Variants in RASEF observed in about 807,000 individuals in gnomAD.
The protein encoded by RASEF is ras and EF-hand domain-containing protein.
Under a neutral mutation model 90.1 loss-of-function variants are expected in RASEF, and 68 were observed. That is an observed-to-expected ratio of 0.75 (90% CI 0.62 to 0.92). The LOEUF is 0.92. Ranked by LOEUF, RASEF falls within the 40% of genes least tolerant of loss-of-function variation. The pLI is 0.00. For missense variants in RASEF, 949 were observed against 937.2 expected, an observed-to-expected ratio of 1.01 and a Z score of -0.16; for synonymous variants, 331 against 345.2, an observed-to-expected ratio of 0.96 and a Z score of 0.46.
chr9:83,124,258 G>T, the RASEF span, among the ~76,000 whole-genome samples: 1 of 151,828 alleles, frequency 6.6e-6, no homozygotes, highest in Non-Finnish European at 1.5e-5. Context: ...CTATGAACAT[G>T]GGTGTATGAA....
the RASEF span, among the ~76,000 whole-genome samples, chr9:83,078,077 G>C: frequency 6.6e-6 from 1 of 152,150 alleles, no homozygotes; most frequent in African/African-American, 2.4e-5. Context: ...ATCACCACCT[G>C]GGAAATTGTT....
At chr9:83,025,118 C>A (rs1170344560) in intron 2 of RASEF, among the ~76,000 whole-genome samples, 2 of 152,136 alleles carry the variant, frequency 1.3e-5, no homozygotes, top group Non-Finnish European at 2.9e-5. Context: ...CATGACATAG[C>A]TGTTAACACC....
chr9:83,068,442 C>T, the RASEF span, among the ~76,000 whole-genome samples: 1 of 152,196 alleles, frequency 6.6e-6, no homozygotes, highest in African/African-American at 2.4e-5. Context: ...GTCATGAGAA[C>T]ACCAGGTGGC....
chr9:82,994,627 T>C (rs538723663), intron 14 of RASEF, among the ~76,000 whole-genome samples: 1 of 152,330 alleles, frequency 6.6e-6, no homozygotes, highest in South Asian at 2.1e-4. Context: ...CCTAGACTAC[T>C]ACACAGGAAC....
upstream of RASEF, among the ~76,000 whole-genome samples, chr9:83,064,023 C>T (rs775860023): frequency 3.9e-5 from 6 of 152,150 alleles, no homozygotes; most frequent in Non-Finnish European, 7.3e-5. Flanking sequence ...TATCCATTTC[C>T]TCCACATTTT....
At chr9:82,983,260 A>G (rs989403326) in intron 16 of RASEF, among the ~76,000 whole-genome samples, 1 of 152,062 alleles carries the variant, frequency 6.6e-6, no homozygotes, top group Non-Finnish European at 1.5e-5. Context: ...GCTTCATGTA[A>G]TGGTTGCTGA....
intron 6 of RASEF, among the ~76,000 whole-genome samples, chr9:83,009,077 GCAAACAAACC>G (rs1263860472): frequency 1.3e-5 from 2 of 150,478 alleles, no homozygotes; most frequent in African/African-American, 4.9e-5. Flanking sequence ...ATTAAAGTTT[GCAAACAAACC>G]CAAAAAAAGA....
At chr9:83,163,981 A>C in the RASEF span, among the ~76,000 whole-genome samples, 18 of 144,152 alleles carry the variant, frequency 1.2e-4, no homozygotes, top group Non-Finnish European at 2.7e-4. Context: ...AGAGAAAACA[A>C]ATCTTACTTG....
chr9:83,004,853 G>A (rs1189701006), intron 8 of RASEF, among the ~76,000 whole-genome samples: 1 of 152,118 alleles, frequency 6.6e-6, no homozygotes, highest in Non-Finnish European at 1.5e-5. Flanking sequence ...GGAGTACTAT[G>A]GTTCCCCACT....
chr9:83,038,976 C>T (rs1036517380), intron 1 of RASEF, among the ~76,000 whole-genome samples: 1 of 152,140 alleles, frequency 6.6e-6, no homozygotes, highest in Non-Finnish European at 1.5e-5. Flanking sequence ...AGACAAAGTT[C>T]AGATGAAGCA....
chr9:83,053,226 C>T lies in RASEF; in HGVS notation c.431+9211G>A, dbSNP rs57753906. ...GGACTTGCTTTATGAATCTGGGTGC[C>T]CCTGTATTGGGTGCATAAATATTTA... is the stretch of plus-strand genomic sequence containing the variant. On this transcript the variant is annotated intron_variant, in intron 1 of 16. Coordinates refer to ENST00000376447, the MANE Select transcript of RASEF (RefSeq NM_152573.4). Among the ~76,000 whole-genome samples the T allele has an allele frequency of 8.8e-4, 58 of 66,256 alleles. 3 individuals carry two copies. The highest frequency in any genetic ancestry group is 6.1e-3 in the African/African-American group (49 of 8,066). 43.5% of individuals were successfully genotyped at this position (66,256 alleles called of 152,430 possible). A position where few individuals can be genotyped will look rare whatever the true frequency, so the allele number is the denominator to read the frequency against.
chr9:82,990,202 A>C (rs1435487807), intron 16 of RASEF, among the ~76,000 whole-genome samples, 189 bp downstream of exon 16: 1 of 152,168 alleles, frequency 6.6e-6, no homozygotes, highest in Non-Finnish European at 1.5e-5. Context: ...TTTGGTAGTA[A>C]AGATATTTTG....
At chr9:83,086,868 C>T in the RASEF span, among the ~76,000 whole-genome samples, 2 of 152,084 alleles carry the variant, frequency 1.3e-5, no homozygotes, top group Non-Finnish European at 2.9e-5. Flanking sequence ...CTATCTATCA[C>T]CTAATCTCAG....
the RASEF span, among the ~76,000 whole-genome samples, chr9:83,092,180 T>G: frequency 1.3e-5 from 2 of 152,054 alleles, no homozygotes; most frequent in South Asian, 4.2e-4. Flanking sequence ...TCATTTTCAC[T>G]GACCAATCTT....
chr9:83,053,976 C>T (rs1340259244), intron 1 of RASEF, among the ~76,000 whole-genome samples: 24 of 31,850 alleles, frequency 7.5e-4, no homozygotes, highest in African/African-American at 3.1e-3. Flanking sequence ...CTGCCCTTAA[C>T]ATTTTTTCCT....
At chr9:83,016,257 A>G (rs1422317899) in intron 3 of RASEF, among the ~76,000 whole-genome samples, 3 of 152,194 alleles carry the variant, frequency 2.0e-5, no homozygotes, top group Admixed American at 1.3e-4. Context: ...CCGGAATCCT[A>G]TCATGTCATC....
In RASEF at chr9:83,062,710, C is replaced by T. The variant is rs986689420; in HGVS notation, c.158G>A (p.Arg53Gln). 28 of 1,578,644 alleles carry T rather than the reference C, an allele frequency of 1.8e-5. No individual in the cohort carries two copies. Among genetic ancestry groups the T allele is most frequent in the Non-Finnish European group, 2.4e-5 (28 of 1,171,070 alleles). ...GGCGCCGTCACGGTCGGCGTCCAGC[C>T]GCTGGAATACTGCCTCGGCGTCGGC... ...RPADAEAVFQ[R>Q]LDADRDGAIT... The change falls in exon 1 of 17, where the codon CGG becomes CAG. Residue 53 changes from arginine (R) to glutamine (Q), a missense_variant. Coordinates refer to ENST00000376447, the MANE Select transcript of RASEF (RefSeq NM_152573.4).
intron 1 of RASEF, among the ~76,000 whole-genome samples, chr9:83,031,417 T>C (rs1303336731): frequency 1.3e-5 from 2 of 152,228 alleles, no homozygotes; most frequent in Non-Finnish European, 2.9e-5. Context: ...CAGGTGCTGA[T>C]TTAAGCCTTT....
At chr9:83,076,752 C>T in the RASEF span, among the ~76,000 whole-genome samples, 1 of 152,086 alleles carries the variant, frequency 6.6e-6, no homozygotes, top group East Asian at 1.9e-4. Context: ...ATTACAAAAA[C>T]CTCAGCTTTT....
Sources: gnomAD v4.1 joint callset for allele counts (sites outside exome capture counted in the v4.1 genomes callset) on GRCh38, gnomAD v4.1.1 for gene constraint, MANE v1.5 for transcripts, NCBI Gene and HGNC (gene_info 2026-07-23, HGNC 2026-07-21) for gene names.